DPF3: variants seen among roughly 807,000 people sequenced by gnomAD.
The protein encoded by DPF3 is double PHD fingers 3.
A neutral mutation model predicts 56.8 loss-of-function variants in DPF3; 18 were observed. That is an observed-to-expected ratio of 0.32 (90% CI 0.22 to 0.47). DPF3 has a LOEUF of 0.47. Ranked by LOEUF, DPF3 falls within the 20% of genes least tolerant of loss-of-function variation. DPF3 has a pLI of 1.00. For synonymous variants in DPF3, 188 were observed against 180.2 expected (o/e 1.04, Z -0.35); for missense variants, 403 against 488.8 (o/e 0.82, Z 1.65).
At chr14:72,839,866 A>G (rs1348691531) in intron 1 of DPF3, among the ~76,000 whole-genome samples, 2 of 152,160 alleles carry the variant, frequency 1.3e-5, no homozygotes, top group Non-Finnish European at 2.9e-5. Context: ...GCTTGGATCA[A>G]AGCAGGCGGG....
At chr14:72,750,237 T>C (rs753487037) in intron 3 of DPF3, among the ~76,000 whole-genome samples, 7 of 152,230 alleles carry the variant, frequency 4.6e-5, no homozygotes, top group African/African-American at 7.2e-5. Flanking sequence ...GATTCTCTGC[T>C]GGACCCACAA....
chr14:72,705,043 C>T (rs1888345923), intron 6 of DPF3, among the ~76,000 whole-genome samples: 1 of 152,168 alleles, frequency 6.6e-6, no homozygotes, highest in Non-Finnish European at 1.5e-5. Flanking sequence ...CCATGCAGGC[C>T]AACCTCTAAG....
At chr14:72,648,031 C>CT (rs1440675696) in intron 8 of DPF3, among the ~76,000 whole-genome samples, 6 of 152,178 alleles carry the variant, frequency 3.9e-5, no homozygotes, top group Non-Finnish European at 8.8e-5. Flanking sequence ...TTCCTACTTA[C>CT]TCAACTTCCA....
chr14:72,854,305 G>A (rs970736998), intron 1 of DPF3, among the ~76,000 whole-genome samples: 21 of 150,676 alleles, frequency 1.4e-4, no homozygotes, highest in African/African-American at 3.7e-4. Context: ...GCAGTGAGCC[G>A]AGATCACACT....
chr14:72,739,462 G>C (rs8023156), intron 3 of DPF3, among the ~76,000 whole-genome samples: 49,824 of 151,974 alleles, frequency 0.33, 8,441 homozygotes, highest in South Asian at 0.5. Flanking sequence ...TGCTCAATAA[G>C]TATGAGCTCC....
chr14:72,818,517 A>G (rs955699631), intron 1 of DPF3, among the ~76,000 whole-genome samples: 3 of 152,138 alleles, frequency 2.0e-5, no homozygotes, highest in African/African-American at 7.2e-5. Flanking sequence ...CTATCTCTAC[A>G]AAGAAGTTTA....
chr14:72,725,078 T>A (rs1889345404), intron 4 of DPF3, among the ~76,000 whole-genome samples: 1 of 152,070 alleles, frequency 6.6e-6, no homozygotes, highest in African/African-American at 2.4e-5. Flanking sequence ...CTCTTCATCC[T>A]TCAGTTTCCC....
intron 1 of DPF3, among the ~76,000 whole-genome samples, chr14:72,875,360 T>A (rs902287737): frequency 3.9e-5 from 6 of 152,140 alleles, no homozygotes; most frequent in Non-Finnish European, 7.4e-5. Context: ...TGAGCCATGA[T>A]TGCGCCACTG....
chr14:72,651,664 T>C (rs1384314901), intron 8 of DPF3, among the ~76,000 whole-genome samples: 1 of 151,768 alleles, frequency 6.6e-6, no homozygotes, highest in Non-Finnish European at 1.5e-5. Context: ...TCCTTTGAAG[T>C]AGTACAACCA....
chr14:72,768,031 T>A (rs2139935734), intron 2 of DPF3, among the ~76,000 whole-genome samples: 1 of 152,242 alleles, frequency 6.6e-6, no homozygotes, highest in African/African-American at 2.4e-5. Context: ...GACTATCAAC[T>A]CAGAATTTTA....
Position 72,616,921 on chromosome 14 carries a change from G to A in DPF3, c.*2376C>T, listed in dbSNP as rs1025172006. 3.9e-5 allele frequency among the ~76,000 whole-genome samples: 6 copies of A among 152,198 alleles called. No individual in the cohort carries two copies. Among genetic ancestry groups the A allele is most frequent in the Non-Finnish European group, 8.8e-5 (6 of 68,020 alleles). On this transcript the variant is annotated 3_prime_UTR_variant, in exon 11 of 11. Transcript: ENST00000556509. The stretch of plus-strand genomic sequence containing the variant: ...GCTGGCTTGCTATCCCCGCTTTCCA[G>A]ATGGGGAAACTGAGGCCTCCAAAGA...
intron 8 of DPF3, chr14:72,670,264 A>G: frequency 1.0e-6 from 1 of 985,938 alleles, no homozygotes; most frequent in South Asian, 4.7e-5. Context: ...TGAGCCCATG[A>G]CGTTCTGCTT....
intron 6 of DPF3, among the ~76,000 whole-genome samples, 178 bp from the exon 7 acceptor site, chr14:72,693,391 C>A (rs542813464): frequency 6.6e-6 from 1 of 152,212 alleles, no homozygotes; most frequent in African/African-American, 2.4e-5. Flanking sequence ...ACCCTTGTAA[C>A]AACTCAGGTC....
chr14:72,689,124 C>T (rs1203305871), intron 7 of DPF3, among the ~76,000 whole-genome samples: 1 of 152,154 alleles, frequency 6.6e-6, no homozygotes, highest in Non-Finnish European at 1.5e-5. Flanking sequence ...AAGGTCAGCG[C>T]CGGCTCCAGC....
At chr14:72,778,674 G>A (rs77098278) in intron 1 of DPF3, among the ~76,000 whole-genome samples, 1,847 of 152,202 alleles carry the variant, frequency 0.012, 39 homozygotes, top group African/African-American at 0.037. Flanking sequence ...GGGGACTTCC[G>A]GTTTAAGCTA....
intron 1 of DPF3, among the ~76,000 whole-genome samples, chr14:72,826,957 G>T (rs866511053): frequency 6.6e-6 from 1 of 151,490 alleles, no homozygotes; most frequent in Non-Finnish European, 1.5e-5. Flanking sequence ...CAGGAGAATC[G>T]CTTGAAACTG....
Position 72,731,878 on chromosome 14 carries a change from C to T in DPF3, c.358G>A (p.Ala120Thr), listed in dbSNP as rs771766513. Residue 120 changes from alanine to threonine, a missense_variant, in exon 4 of 11, where the codon GCC (alanine) becomes ACC (threonine). By Grantham distance (58) the Ala-to-Thr change is moderately conservative. Coordinates refer to ENST00000556509, the MANE Select transcript of DPF3 (RefSeq NM_001280542.3). The stretch of plus-strand genomic sequence containing the variant: ...TCAACCCCCTCGCCACGGAGCAAGG[C>T]TTCCAGCGTGGTGCTCTCTGAGGTG... ...GFTSESTTLE[A>T]LLRGEGVEKK... is the part of the protein sequence containing the mutation. 52 of 1,609,996 alleles carry T rather than the reference C, an allele frequency of 3.2e-5. No individual in the cohort carries two copies. The East Asian group carries it at 1.2e-3, about 36-fold the overall frequency.
At chr14:72,813,811 G>C (rs1489373879) in intron 1 of DPF3, among the ~76,000 whole-genome samples, 1 of 152,142 alleles carries the variant, frequency 6.6e-6, no homozygotes, top group African/African-American at 2.4e-5. Context: ...GATGGATGCT[G>C]GGGCTCGAGC....
chr14:72,838,345 T>A (rs539223568), intron 1 of DPF3, among the ~76,000 whole-genome samples: 1 of 151,896 alleles, frequency 6.6e-6, no homozygotes, highest in South Asian at 2.1e-4. Flanking sequence ...AATACAAAAA[T>A]TAGCTGGGCG....
Sources: gnomAD v4.1 joint callset for allele counts (sites outside exome capture counted in the v4.1 genomes callset) on GRCh38, gnomAD v4.1.1 for gene constraint, MANE v1.5 for transcripts, NCBI Gene and HGNC (gene_info 2026-07-23, HGNC 2026-07-21) for gene names.